ZNF730: variants seen among roughly 807,000 people sequenced by gnomAD.
The protein encoded by ZNF730 is putative zinc finger protein 730.
In ZNF730, 12 loss-of-function variants were observed where a neutral mutation model predicts 12.6. The observed-to-expected ratio is 0.95, with a 90% confidence interval of 0.61 to 1.54. ZNF730 has a LOEUF of 1.54. Ranked by LOEUF, ZNF730 falls within the 40% of genes most tolerant of loss-of-function variation. The pLI is 0.00. For missense variants in ZNF730, 643 were observed against 583.5 expected (o/e 1.10, Z -1.05); for synonymous variants, 194 against 195.8 (o/e 0.99, Z 0.08).
Position 23,145,630 on chromosome 19 carries a change from A to T in ZNF730, c.586A>T (p.Thr196Ser), listed in dbSNP as rs61744908. 1 of 1,549,978 alleles carries T rather than the reference A, an allele frequency of 6.5e-7. No homozygotes were observed. ...CTTAGCTCAACATAAAAAAATTCAT[A>T]CTGGAGAGAAATCCTACAAATGTGA... ...SHLAQHKKIH[T>S]GEKSYKCEEY... is the part of the protein sequence containing the mutation. The change falls in exon 4 of 4, where the codon ACT becomes TCT. Residue 196 changes from threonine (T) to serine (S), a missense_variant. Physicochemically the swap from Thr to Ser is moderately conservative, Grantham distance 58. Transcript: ENST00000597761.
At chr19:23,107,802 A>G (rs1970413378) in intron 1 of ZNF730, among the ~76,000 whole-genome samples, 2 of 152,378 alleles carry the variant, frequency 1.3e-5, no homozygotes, top group Admixed American at 1.3e-4. Flanking sequence ...GATCATACAG[A>G]TTGTAATATT....
rs1970228826 is a variant in ZNF730 at position 23,095,264 on chromosome 19, G to A, written c.-94+19877G>A. Reference sequence around the variant, plus strand: ...TCTTCTGCCTTGGTTCTTCCACAGGGGACATTGTGTAATATCGTTGGGCCT... The same window carrying A: ...TCTTCTGCCTTGGTTCTTCCACAGGAGACATTGTGTAATATCGTTGGGCCT... On this transcript the variant is annotated intron_variant, in intron 1 of 2. Coordinates refer to the ZNF730 transcript ENST00000593635. 6 of 397,178 alleles carry A rather than the reference G, an allele frequency of 1.5e-5. No individual in the cohort carries two copies. The South Asian group carries it at 6.8e-4, about 45-fold the overall frequency. 24.6% of individuals were successfully genotyped at this position (397,178 alleles called of 1,614,324 possible). A position where few individuals can be genotyped will look rare whatever the true frequency, so the allele number is the denominator to read the frequency against.
At position 23,107,475 on chromosome 19, in the gene ZNF730, A is replaced by AAAAAAAAAAAC. The variant is rs752480467; in HGVS notation, c.-93-26605_-93-26604insAAAAAAAAAAC. ...AAAAAAAAAAAAAAAAAAAAAAAAA[A>AAAAAAAAAAAC]CCACCACAGCTCTGTTTTTTGTTAT... is the stretch of plus-strand genomic sequence containing the variant. On this transcript the variant is annotated intron_variant, in intron 1 of 2. Coordinates refer to the ZNF730 transcript ENST00000593635. Among the ~76,000 whole-genome samples, 106 of 118,976 alleles carry AAAAAAAAAAAC rather than the reference A, an allele frequency of 8.9e-4. 4 individuals are homozygous for AAAAAAAAAAAC. Among genetic ancestry groups the AAAAAAAAAAAC allele is most frequent in the Non-Finnish European group, 1.5e-3 (82 of 54,392 alleles). 78.1% of individuals were successfully genotyped at this position (118,976 alleles called of 152,430 possible).
intron 1 of ZNF730, among the ~76,000 whole-genome samples, chr19:23,110,811 C>T (rs1970452923): frequency 6.6e-6 from 1 of 152,142 alleles, no homozygotes; most frequent in African/African-American, 2.4e-5. Flanking sequence ...ACTGCTAACC[C>T]AAGCAAAACA....
At chr19:23,127,752 C>G in intron 1 of ZNF730, 4 of 1,008,408 alleles carry the variant, frequency 4.0e-6, no homozygotes, top group Non-Finnish European at 6.3e-6. Flanking sequence ...CCACAGTTCT[C>G]TTCCTGAGAG....
rs1433006874 is a variant in ZNF730 at position 23,087,813 on chromosome 19, C to G, written c.-94+12426C>G. Among the ~76,000 whole-genome samples the G allele has an allele frequency of 2.0e-5, 3 of 151,520 alleles. No individual in the cohort carries two copies. In the East Asian group the frequency reaches 5.9e-4, roughly 30 times the overall value. On this transcript the variant is annotated intron_variant, in intron 1 of 2. Transcript: ENST00000593635. ...TATTTTTAGTAGAGACAGGTTTCTT[C>G]ATCTTGGTCAGGCTGGTTTCGAACT...
intron 1 of ZNF730, chr19:23,095,450 C>T (rs1970233040): frequency 2.5e-6 from 1 of 398,344 alleles, no homozygotes. Flanking sequence ...GGTAATGCAA[C>T]TCTATTCTCC....
intron 1 of ZNF730, chr19:23,127,605 A>G: frequency 1.0e-6 from 1 of 979,858 alleles, no homozygotes; most frequent in East Asian, 2.4e-5. Flanking sequence ...ACAACAGAAA[A>G]CTCATTTTGT....
exon 1 of ZNF730, chr19:23,075,242 G>C (rs1568296389): frequency 1.3e-5 from 2 of 152,328 alleles, no homozygotes; most frequent in South Asian, 4.1e-4. Context: ...CAGAGCTTGG[G>C]ATCGGTCTTC....
intron 1 of ZNF730, among the ~76,000 whole-genome samples, chr19:23,093,599 T>C (rs1310699668): frequency 1.3e-5 from 2 of 152,082 alleles, no homozygotes; most frequent in African/African-American, 4.8e-5. Flanking sequence ...TGGGGGAGCC[T>C]GGTGTGGATG....
intron 1 of ZNF730, among the ~76,000 whole-genome samples, chr19:23,085,840 T>C (rs1336608187): frequency 7.3e-5 from 5 of 68,820 alleles, no homozygotes; most frequent in South Asian, 5.2e-4. Context: ...TTTTTTCTTT[T>C]TTTTTTTTTT....
chr19:23,111,443 A>G (rs901810568), intron 1 of ZNF730, among the ~76,000 whole-genome samples: 2 of 152,130 alleles, frequency 1.3e-5, no homozygotes, highest in African/African-American at 4.8e-5. Context: ...GACAAGTTGT[A>G]AAACTGTTAA....
In ZNF730 at chr19:23,136,189, TA is replaced by T. The variant is rs1486481965; in HGVS notation, c.226+147del. 4.8e-4 allele frequency: 284 copies of T among 586,846 alleles called. 3 individuals carry two copies. The East Asian group carries it at 0.012, about 25-fold the overall frequency. The allele number at this position is 586,846 out of a possible 1,614,324, so 36.4% of individuals were successfully genotyped here. A position where few individuals can be genotyped will look rare whatever the true frequency, so the allele number is the denominator to read the frequency against. On this transcript the variant is annotated intron_variant, in intron 3 of 3. Transcript: ENST00000597761. Reference sequence around the variant, plus strand: ...CTTTTTATTTATTTTGCTTTTTATTTATTTTTTTTCCTCTCACATAGAAGCA... The same window carrying T: ...CTTTTTATTTATTTTGCTTTTTATTTTTTTTTTTCCTCTCACATAGAAGCA...
At chr19:23,138,365 T>C (rs1209646976) in intron 3 of ZNF730, among the ~76,000 whole-genome samples, 1 of 152,028 alleles carries the variant, frequency 6.6e-6, no homozygotes, top group African/African-American at 2.4e-5. Context: ...GGTTTCCATG[T>C]AGGTAGAGCT....
chr19:23,109,364 G>A (rs1018723790), intron 1 of ZNF730, among the ~76,000 whole-genome samples: 1 of 151,382 alleles, frequency 6.6e-6, no homozygotes, highest in South Asian at 2.1e-4. Context: ...AAGTAGCTGG[G>A]ACTACAGGCA....
chr19:23,086,157 A>G (rs1970061732), intron 1 of ZNF730, among the ~76,000 whole-genome samples: 1 of 151,964 alleles, frequency 6.6e-6, no homozygotes, highest in Non-Finnish European at 1.5e-5. Context: ...CCAATTTTTA[A>G]TGGAGTTGTT....
intron 1 of ZNF730, among the ~76,000 whole-genome samples, chr19:23,124,318 G>A (rs1970636764): frequency 6.6e-6 from 1 of 152,160 alleles, no homozygotes; most frequent in African/African-American, 2.4e-5. Flanking sequence ...AAGCATCTTA[G>A]GAGTGAAAGA....
Position 23,085,836 on chromosome 19 carries a change from C to CTTTTTTTTTT in ZNF730, c.-94+10467_-94+10476dup, listed in dbSNP as rs556123915. Reference sequence around the variant, plus strand: ...GACCTATTTCACCCAATTTTTTTTTCTTTTTTTTTTTTTTTTTTTTTTTTT... The same window carrying CTTTTTTTTTT: ...GACCTATTTCACCCAATTTTTTTTTCTTTTTTTTTTTTTTTTTTTTTTTTTTTTTTTTTTT... On this transcript the variant is annotated intron_variant, in intron 1 of 2. Transcript: ENST00000593635. Among the ~76,000 whole-genome samples, 69 of 54,860 alleles carry CTTTTTTTTTT rather than the reference C, an allele frequency of 1.3e-3. 11 individuals carry two copies. Among genetic ancestry groups the CTTTTTTTTTT allele is most frequent in the Non-Finnish European group, 1.7e-3 (52 of 30,266 alleles). The allele number at this position is 54,860 out of a possible 152,430, so 36.0% of individuals were successfully genotyped here.
intron 1 of ZNF730, among the ~76,000 whole-genome samples, chr19:23,078,153 ATG>A (rs1969900574): frequency 2.0e-5 from 3 of 152,144 alleles, no homozygotes; most frequent in African/African-American, 7.2e-5. Flanking sequence ...CCAGCCTGAC[ATG>A]GGTAAAGGGT....
Sources: gnomAD v4.1 joint callset for allele counts (sites outside exome capture counted in the v4.1 genomes callset) on GRCh38, gnomAD v4.1.1 for gene constraint, MANE v1.5 for transcripts, NCBI Gene and HGNC (gene_info 2026-07-23, HGNC 2026-07-21) for gene names.